PYHIN1: variants seen among roughly 807,000 people sequenced by gnomAD.
PYHIN1 encodes the protein pyrin and HIN domain family member 1.
Under a neutral mutation model 43.7 loss-of-function variants are expected in PYHIN1, and 32 were observed. The observed-to-expected ratio is 0.73, with a 90% CI of 0.55 to 0.98. The LOEUF (loss-of-function observed/expected upper bound fraction) is 0.98, where lower values mean the gene tolerates loss of function less well. Among genes scored for constraint, PYHIN1 ranks in the 50% least tolerant of loss-of-function variants. The pLI is 0.00. For missense variants in PYHIN1, 588 were observed against 589.5 expected (o/e 1.00, Z 0.03); for synonymous variants, 205 against 203.1 (o/e 1.01, Z -0.08).
downstream of PYHIN1, among the ~76,000 whole-genome samples, chr1:158,978,873 C>T (rs1571797102): frequency 6.6e-6 from 1 of 152,276 alleles, no homozygotes; most frequent in East Asian, 1.9e-4. Flanking sequence ...AGAGCTCCTA[C>T]TTGGGACCAC....
intron 7 of PYHIN1, among the ~76,000 whole-genome samples, chr1:158,966,728 A>T (rs1313949513): frequency 6.6e-6 from 1 of 152,078 alleles, no homozygotes; most frequent in Non-Finnish European, 1.5e-5. Flanking sequence ...AATAAGAACC[A>T]TTTCCAACAA....
chr1:158,945,725 G>T (rs925143949), intron 7 of PYHIN1, among the ~76,000 whole-genome samples: 1 of 152,196 alleles, frequency 6.6e-6, no homozygotes, highest in African/African-American at 2.4e-5. Flanking sequence ...TAGGGTCAGT[G>T]TAGCACATGA....
At chr1:158,969,619 A>G (rs144315032) in intron 7 of PYHIN1, among the ~76,000 whole-genome samples, 95 of 152,106 alleles carry the variant, frequency 6.2e-4, no homozygotes, top group South Asian at 6.2e-3. Context: ...GGATAGTGCT[A>G]TCAATCTAAC....
At chr1:158,955,232 C>A (rs553978713) in intron 7 of PYHIN1, among the ~76,000 whole-genome samples, 10 of 152,264 alleles carry the variant, frequency 6.6e-5, no homozygotes, top group South Asian at 2.1e-4. Context: ...GAATTGAACT[C>A]AGCTCTGCAC....
Position 158,976,966 on chromosome 1 carries a change from T to C in PYHIN1, c.*271T>C, listed in dbSNP as rs1448931458. 4.5e-6 allele frequency: 1 copy of C among 224,468 alleles called. No homozygotes were observed. The highest frequency in any genetic ancestry group is 8.4e-6 in the Non-Finnish European group (1 of 119,166). The allele number at this position is 224,468 out of a possible 1,614,324, so 13.9% of individuals were successfully genotyped here. A position where few individuals can be genotyped will look rare whatever the true frequency, so the allele number is the denominator to read the frequency against. ...AGTATTAAGGGTGCATTTTATTTCA[T>C]TAGTTTTACTTTTATGCATTTTCTT... On this transcript the variant is annotated 3_prime_UTR_variant, in exon 9 of 9. Transcript: ENST00000368140.
intron 7 of PYHIN1, among the ~76,000 whole-genome samples, chr1:158,965,076 AC>A (rs1557841498): frequency 6.6e-6 from 1 of 152,154 alleles, no homozygotes; most frequent in African/African-American, 2.4e-5. Flanking sequence ...GAAAAAAAAA[AC>A]AGAGGGTGCC....
At chr1:158,961,761 G>T (rs1319904112) in intron 7 of PYHIN1, among the ~76,000 whole-genome samples, 1 of 152,134 alleles carries the variant, frequency 6.6e-6, no homozygotes, top group Non-Finnish European at 1.5e-5. Flanking sequence ...GCTAAGTGGA[G>T]CCTGGGCAGA....
At chr1:158,973,827 CAG>C in intron 8 of PYHIN1, 56 bp downstream of exon 8, 1 of 1,572,440 alleles carries the variant, frequency 6.4e-7, no homozygotes, top group Non-Finnish European at 8.7e-7. Context: ...TAGGGGTAAT[CAG>C]AGTCTTCAAA....
intron 8 of PYHIN1, among the ~76,000 whole-genome samples, chr1:158,976,342 A>G (rs1191206363): frequency 1.3e-5 from 2 of 152,064 alleles, no homozygotes; most frequent in African/African-American, 2.4e-5. Context: ...TGCACCAGGA[A>G]TACATTTTGT....
At chr1:158,941,900 C>T (rs1490849864) in intron 4 of PYHIN1, 77 bp from the exon 5 acceptor site, 3 of 1,390,350 alleles carry the variant, frequency 2.2e-6, no homozygotes, top group East Asian at 4.9e-5. Context: ...AATGTTGTGC[C>T]TTGAGGTCAC....
At chr1:158,984,384 G>T in the PYHIN1 span, among the ~76,000 whole-genome samples, 1,911 of 152,040 alleles carry the variant, frequency 0.013, 15 homozygotes, top group Non-Finnish European at 0.021. Context: ...CTTGATTTCT[G>T]CATTAATTTA....
intron 7 of PYHIN1, among the ~76,000 whole-genome samples, chr1:158,954,551 T>A (rs945078834): frequency 1.3e-5 from 2 of 151,810 alleles, no homozygotes; most frequent in African/African-American, 4.8e-5. Context: ...AAGCAAATGC[T>A]GAGAGATTTT....
chr1:158,933,725 C>T lies in PYHIN1; in HGVS notation c.-21+1949C>T, dbSNP rs1487481021. Among the ~76,000 whole-genome samples, 1 of 151,954 alleles carries T rather than the reference C, an allele frequency of 6.6e-6. No homozygotes were observed. The highest frequency in any genetic ancestry group is 2.4e-5 in the African/African-American group (1 of 41,388). ...TTTAAAACTTATATTTCCATCTCAC[C>T]CTTTAAGACAATTACATTAGTAAAC... On this transcript the variant is annotated intron_variant, in intron 1 of 8. Coordinates refer to ENST00000368140, the MANE Select transcript of PYHIN1 (RefSeq NM_152501.5). The surrounding 1 kb of genome is among the most constrained non-coding windows in gnomAD (Gnocchi z 6.3).
chr1:158,973,908 A>G, intron 8 of PYHIN1, 137 bp downstream of exon 8: 3 of 1,043,056 alleles, frequency 2.9e-6, no homozygotes, highest in Non-Finnish European at 4.1e-6. Flanking sequence ...TCATTTATCA[A>G]TATATAATTG....
chr1:158,933,291 A>G lies in PYHIN1; in HGVS notation c.-21+1515A>G, dbSNP rs1469011420. ...GTGTGTATATGAAGATAAATATATT[A>G]TATAACATTATATTATCATGAAGGA... On this transcript the variant is annotated intron_variant, in intron 1 of 8. Transcript: ENST00000368140. This position sits in a 1 kb window ranked among gnomAD's most constrained non-coding sequence, Gnocchi z 6.3. 6.6e-6 allele frequency among the ~76,000 whole-genome samples: 1 copy of G among 151,362 alleles called. No homozygotes were observed. Among genetic ancestry groups the G allele is most frequent in the Non-Finnish European group, 1.5e-5 (1 of 67,764 alleles).
intron 4 of PYHIN1, among the ~76,000 whole-genome samples, chr1:158,941,421 G>A (rs1648903604): frequency 6.6e-6 from 1 of 152,108 alleles, no homozygotes; most frequent in Non-Finnish European, 1.5e-5. Context: ...TGAGATGAGG[G>A]CATTCTGAGG....
chr1:158,973,528 C>T lies in PYHIN1; in HGVS notation c.1360-119C>T, dbSNP rs544193481. On this transcript the variant is annotated intron_variant, in intron 7 of 8. Coordinates refer to ENST00000368140, the MANE Select transcript of PYHIN1 (RefSeq NM_152501.5). ...TTTCACACACACACACACACACACA[C>T]ACACACACATATACACACATGTATT... 4 of 967,438 alleles carry T rather than the reference C, an allele frequency of 4.1e-6. No individual in the cohort carries two copies. In the African/African-American group the frequency reaches 6.7e-5, roughly 16 times the overall value. 59.9% of individuals were successfully genotyped at this position (967,438 alleles called of 1,614,324 possible).
At chr1:158,975,898 A>T (rs1772442) in intron 8 of PYHIN1, among the ~76,000 whole-genome samples, 1 of 152,086 alleles carries the variant, frequency 6.6e-6, no homozygotes, top group Admixed American at 6.6e-5. Context: ...AATGACTCAG[A>T]CTATTCTAAG....
chr1:158,968,727 A>G (rs1176343004), intron 7 of PYHIN1, among the ~76,000 whole-genome samples: 3 of 151,290 alleles, frequency 2.0e-5, no homozygotes, highest in Non-Finnish European at 4.4e-5. Context: ...GGATAAAGAA[A>G]GTGTGGCACA....
Sources: allele counts gnomAD v4.1 joint callset (sites outside exome capture counted in the v4.1 genomes callset), GRCh38; gene constraint gnomAD v4.1.1; non-coding constraint Gnocchi (gnomAD v3.1); transcripts MANE v1.5; gene names NCBI Gene and HGNC (gene_info 2026-07-23, HGNC 2026-07-21).